Variants in PNPLA3 observed in about 807,000 individuals in gnomAD.
PNPLA3 encodes patatin like domain 3, 1-acylglycerol-3-phosphate O-acyltransferase.
PNPLA3 carries 42 observed loss-of-function variants against 43.1 expected under a neutral mutation model. The observed-to-expected ratio is 0.97, with a 90% CI of 0.76 to 1.26. The LOEUF is 1.26. Ranked by LOEUF, PNPLA3 falls within the 50% of genes most tolerant of loss-of-function variation. The probability of loss-of-function intolerance (pLI) is 0.00; values close to 1 mark genes in which losing one functional copy is unlikely to be tolerated. For missense variants in PNPLA3, 647 were observed against 621.4 expected (o/e 1.04, Z -0.44); for synonymous variants, 272 against 253.6 (o/e 1.07, Z -0.69).
At chr22:43,928,926 G>A (rs770407619) in intron 3 of PNPLA3, 37 bp downstream of exon 3, 2 of 1,566,780 alleles carry the variant, frequency 1.3e-6, no homozygotes, top group Admixed American at 1.7e-5. Flanking sequence ...GAGTCCTGGG[G>A]GCCTCTGAAG....
At chr22:43,944,025 A>T (rs1603417414) in intron 7 of PNPLA3, among the ~76,000 whole-genome samples, 2 of 151,964 alleles carry the variant, frequency 1.3e-5, no homozygotes, top group African/African-American at 4.8e-5. Context: ...TGACCTCCTG[A>T]CCTGCCTGCC....
intron 3 of PNPLA3, among the ~76,000 whole-genome samples, chr22:43,932,631 C>T (rs1263066219): frequency 6.6e-6 from 1 of 152,248 alleles, no homozygotes; most frequent in Non-Finnish European, 1.5e-5. Context: ...TTGCCAGGCA[C>T]TTTTGTGCAG....
At chr22:43,943,138 C>A (rs557531088) in intron 7 of PNPLA3, among the ~76,000 whole-genome samples, 3 of 152,200 alleles carry the variant, frequency 2.0e-5, no homozygotes, top group Non-Finnish European at 4.4e-5. Flanking sequence ...CTCTCTTGTT[C>A]TTTTTTCTTA....
Position 43,924,017 on chromosome 22 carries a change from C to A in PNPLA3, c.106C>A (p.Leu36Ile), listed in dbSNP as rs747966884. Residue 36 changes from leucine (L) to isoleucine (I), a missense_variant, in exon 1 of 9, where the codon CTC becomes ATC. Coordinates refer to ENST00000216180, the MANE Select transcript of PNPLA3 (RefSeq NM_025225.3). ...CTGCCTGAGCGAGCACGCCCCGCAC[C>A]TCCTCCGCGACGCGCGCATGTTGTT... ...TRCLSEHAPH[L>I]LRDARMLFGA... 16 of 1,583,814 alleles carry A rather than the reference C, an allele frequency of 1.0e-5. No homozygotes were observed. In the Admixed American group the frequency reaches 2.7e-4, roughly 27 times the overall value.
intron 6 of PNPLA3, among the ~76,000 whole-genome samples, chr22:43,938,792 A>G (rs910507737): frequency 6.6e-6 from 1 of 152,250 alleles, no homozygotes; most frequent in African/African-American, 2.4e-5. Context: ...GAGAGGGAAT[A>G]AAAGACTGGG....
At chr22:43,938,148 G>A (rs536475728) in intron 6 of PNPLA3, among the ~76,000 whole-genome samples, 1 of 152,142 alleles carries the variant, frequency 6.6e-6, no homozygotes, top group African/African-American at 2.4e-5. Context: ...ATCGATGTTT[G>A]TTGTTTTATA....
At chr22:43,934,759 C>A in intron 5 of PNPLA3, 93 bp downstream of exon 5, 1 of 1,213,246 alleles carries the variant, frequency 8.2e-7, no homozygotes, top group Non-Finnish European at 1.2e-6. Context: ...AGTTCTAACA[C>A]TTAGTGCCCA....
At chr22:43,925,199 C>A (rs13053446) in intron 1 of PNPLA3, among the ~76,000 whole-genome samples, 1 of 152,188 alleles carries the variant, frequency 6.6e-6, no homozygotes, top group Non-Finnish European at 1.5e-5. Context: ...CCACCCTCCC[C>A]TCTCCGGCTC....
In PNPLA3 at chr22:43,932,864, C is replaced by A. The variant is rs953254058; in HGVS notation, c.487-14C>A. 17 of 1,611,980 alleles carry A rather than the reference C, an allele frequency of 1.1e-5. No individual in the cohort carries two copies. In the Admixed American group the frequency reaches 1.8e-4, roughly 17 times the overall value. On this transcript the variant is annotated splice_polypyrimidine_tract_variant and intron_variant, in intron 3 of 8. Transcript: ENST00000216180. ...CTTCAGACAGTGCCAGTCCTTTTTCCCCTTCTTTAAAAGCGATATGTGGAT... is the reference window on the plus strand; with the variant it reads ...CTTCAGACAGTGCCAGTCCTTTTTCACCTTCTTTAAAAGCGATATGTGGAT...
At chr22:43,944,904 G>A (rs2050053350) in intron 8 of PNPLA3, 109 bp downstream of exon 8, 2 of 974,448 alleles carry the variant, frequency 2.1e-6, no homozygotes, top group Non-Finnish European at 3.2e-6. Flanking sequence ...CAAGGAGCTT[G>A]CCCTTGGGTG....
Position 43,934,605 on chromosome 22 carries a change from G to C in PNPLA3, c.697-1G>C. On this transcript the variant is annotated splice_acceptor_variant, in intron 4 of 8. Coordinates refer to ENST00000216180, the MANE Select transcript of PNPLA3 (RefSeq NM_025225.3). LOFTEE classifies it high-confidence loss of function. ...AGTCCCCTTGCTTGCTTTGCTCACA[G>C]GTGCTGGGAGAGATATGCCTTCGAG... 1 of 1,613,500 alleles carries C rather than the reference G, an allele frequency of 6.2e-7. No homozygotes were observed. The highest frequency in any genetic ancestry group is 8.5e-7 in the Non-Finnish European group (1 of 1,179,458).
intron 2 of PNPLA3, among the ~76,000 whole-genome samples, chr22:43,927,436 A>G (rs1444666238): frequency 6.6e-6 from 1 of 151,854 alleles, no homozygotes. Flanking sequence ...AGGTTGCAGT[A>G]AGTCATGATC....
rs921849807 is a variant in PNPLA3 at position 43,926,976 on chromosome 22, A to G, written c.229A>G (p.Arg77Gly). The change falls in exon 2 of 9, where the codon AGG (arginine) becomes GGG (glycine). Residue 77 changes from arginine (R) to glycine (G), a missense_variant. Coordinates refer to ENST00000216180, the MANE Select transcript of PNPLA3 (RefSeq NM_025225.3). Reference protein sequence around the residue: ...QVLSDLVRKARSRNIGIFHPS... With the variant: ...QVLSDLVRKAGSRNIGIFHPS... Reference sequence around the variant, plus strand: ...CCTCTCAGATCTTGTGCGGAAGGCCAGGAGTCGGAACATTGGCATCTTCCA... The same window carrying G: ...CCTCTCAGATCTTGTGCGGAAGGCCGGGAGTCGGAACATTGGCATCTTCCA... The G allele has an allele frequency of 1.2e-5, 20 of 1,614,120 alleles. No homozygotes were observed. The highest frequency in any genetic ancestry group is 1.7e-5 in the Non-Finnish European group (20 of 1,180,054).
intron 3 of PNPLA3, among the ~76,000 whole-genome samples, chr22:43,932,481 A>G (rs1306557236): frequency 3.9e-5 from 6 of 152,284 alleles, no homozygotes; most frequent in East Asian, 1.9e-4. Context: ...TTGGGTTTCC[A>G]TCACACTCTG....
intron 3 of PNPLA3, among the ~76,000 whole-genome samples, chr22:43,930,125 G>A (rs2049952720): frequency 6.6e-6 from 1 of 152,266 alleles, no homozygotes; most frequent in East Asian, 1.9e-4. Context: ...CGCATTAGGA[G>A]CCTCCCATTA....
At chr22:43,937,920 T>C (rs1004794767) in intron 6 of PNPLA3, among the ~76,000 whole-genome samples, 2 of 152,142 alleles carry the variant, frequency 1.3e-5, no homozygotes, top group South Asian at 4.1e-4. Flanking sequence ...ATGATGGTCT[T>C]AGGAGGTGGG....
At chr22:43,945,159 A>G (rs914764960) in intron 8 of PNPLA3, among the ~76,000 whole-genome samples, 1 of 152,182 alleles carries the variant, frequency 6.6e-6, no homozygotes, top group Non-Finnish European at 1.5e-5. Flanking sequence ...GTCTGAGCGA[A>G]GGAGCTCTGG....
rs1340639989 is a variant in PNPLA3 at position 43,924,163 on chromosome 22, G to T, written c.187+65G>T. The T allele has an allele frequency of 2.2e-6, 3 of 1,380,880 alleles. No individual in the cohort carries two copies. The African/African-American group carries it at 4.6e-5, about 21-fold the overall frequency. 85.5% of individuals were successfully genotyped at this position (1,380,880 alleles called of 1,614,324 possible). A position where few individuals can be genotyped will look rare whatever the true frequency, so the allele number is the denominator to read the frequency against. On this transcript the variant is annotated intron_variant, in intron 1 of 8. Coordinates refer to ENST00000216180, the MANE Select transcript of PNPLA3 (RefSeq NM_025225.3). ...GGGTGCCCCCTAGGCCGGGGAGCGGGGGATCCCCAGGGGTCGCGGGGCCCT... is the reference window on the plus strand; with the variant it reads ...GGGTGCCCCCTAGGCCGGGGAGCGGTGGATCCCCAGGGGTCGCGGGGCCCT...
intron 3 of PNPLA3, among the ~76,000 whole-genome samples, chr22:43,929,179 A>G (rs1350817075): frequency 1.3e-5 from 2 of 152,182 alleles, no homozygotes; most frequent in Non-Finnish European, 2.9e-5. Flanking sequence ...TGATCTAGTT[A>G]AACTATATGA....
Sources: gnomAD v4.1 joint callset for allele counts (sites outside exome capture counted in the v4.1 genomes callset) on GRCh38, gnomAD v4.1.1 for gene constraint, MANE v1.5 for transcripts, NCBI Gene and HGNC (gene_info 2026-07-23, HGNC 2026-07-21) for gene names.